PCLO: variants seen among roughly 807,000 people sequenced by gnomAD.
PCLO encodes protein piccolo.
In PCLO, 82 loss-of-function variants were observed where a neutral mutation model predicts 427.5. That is an observed-to-expected ratio of 0.19 (90% CI 0.16 to 0.23). The LOEUF is 0.23. PCLO is among the 10% of genes least tolerant of loss of function. The pLI is 1.00. For synonymous variants in PCLO, 2,357 were observed against 2,155.4 expected (o/e 1.09, Z -2.59); for missense variants, 6,239 against 6,115.9 (o/e 1.02, Z -0.67).
At chr7:83,019,099 G>T (rs1788278125) in intron 3 of PCLO, among the ~76,000 whole-genome samples, 1 of 151,880 alleles carries the variant, frequency 6.6e-6, no homozygotes, top group Admixed American at 6.6e-5. Context: ...CTGAAATCAA[G>T]ACATTTATAC....
Position 82,888,013 on chromosome 7 carries a change from T to A in PCLO, c.13529-8551A>T, listed in dbSNP as rs566986610. On this transcript the variant is annotated intron_variant, in intron 9 of 24. Coordinates refer to ENST00000333891, the MANE Select transcript of PCLO (RefSeq NM_033026.6). The stretch of plus-strand genomic sequence containing the variant: ...TGAACCTGGGTGGCAGAGGTTGCAG[T>A]CAGCTGAGATTGCGCCACTGCACTC... Among the ~76,000 whole-genome samples, 273 of 151,570 alleles carry A rather than the reference T, an allele frequency of 1.8e-3. 2 individuals are homozygous for A. The highest frequency in any genetic ancestry group is 6.2e-3 in the African/African-American group (255 of 41,278).
chr7:83,107,150 T>C (rs1211433678), intron 3 of PCLO, among the ~76,000 whole-genome samples: 1 of 152,128 alleles, frequency 6.6e-6, no homozygotes, highest in African/African-American at 2.4e-5. Flanking sequence ...GTGTACAAAT[T>C]ATTGCACCGC....
chr7:82,951,324 A>G lies in PCLO; in HGVS notation c.9264T>C (p.Val3088=). Residue 3088 remains valine, a synonymous_variant, in exon 6 of 25, where the codon GTT becomes GTC. Transcript: ENST00000333891. ...VGSVLRSSNG[V]VYSSVATPTP... ...TTGGAGTTGCTACTGAAGAATAGAC[A>G]ACACCATTAGATGACCTCAAAACAC... 6.2e-7 allele frequency: 1 copy of G among 1,611,898 alleles called. No individual in the cohort carries two copies. Among genetic ancestry groups the G allele is most frequent in the Non-Finnish European group, 8.5e-7 (1 of 1,178,946 alleles).
At chr7:83,107,834 C>T (rs1318060735) in intron 3 of PCLO, among the ~76,000 whole-genome samples, 3 of 151,056 alleles carry the variant, frequency 2.0e-5, no homozygotes, top group Admixed American at 6.6e-5. Flanking sequence ...ACTAAAAACA[C>T]GAAAATTAGC....
In PCLO at chr7:82,953,481, G is replaced by C. The variant is rs1795415354; in HGVS notation, c.7472C>G (p.Ser2491Cys). 2 of 1,613,580 alleles carry C rather than the reference G, an allele frequency of 1.2e-6. No homozygotes were observed. The highest frequency in any genetic ancestry group is 2.7e-5 in the African/African-American group (2 of 74,914). The change falls in exon 5 of 25, where the codon TCT becomes TGT. Residue 2491 changes from serine (S) to cysteine (C), a missense_variant. This residue lies in a region of PCLO where 4,677 missense variants were observed against 4,468.4 expected (regional missense o/e 1.05). Transcript: ENST00000333891. The part of the protein sequence containing the change: ...TAPPPVPPKP[S>C]SIPSGLVFTH... The stretch of plus-strand genomic sequence containing the variant: ...AAATACAAGTCCAGATGGAATTGAA[G>C]ATGGCTTAGGAGGAACAGGAGGAGG...
At chr7:83,045,846 A>G (rs934725929) in intron 3 of PCLO, among the ~76,000 whole-genome samples, 8 of 152,120 alleles carry the variant, frequency 5.3e-5, no homozygotes, top group Non-Finnish European at 8.8e-5. Context: ...GGGCCAAGAT[A>G]TTAATGTTAC....
Position 82,912,466 on chromosome 7 carries a change from T to A in PCLO, c.13300+2220A>T, listed in dbSNP as rs545632380. Among the ~76,000 whole-genome samples, 12 of 152,098 alleles carry A rather than the reference T, an allele frequency of 7.9e-5. 1 individual carries two copies. Among genetic ancestry groups the A allele is most frequent in the African/African-American group, 2.9e-4 (12 of 41,586 alleles). On this transcript the variant is annotated intron_variant, in intron 7 of 24. Transcript: ENST00000333891. ...TACAATTCACACACATACCATTACA[T>A]ATGTAATTCATATATAATTGCTATA... is the stretch of plus-strand genomic sequence containing the variant.
intron 22 of PCLO, among the ~76,000 whole-genome samples, chr7:82,780,939 A>G (rs931526719): frequency 3.9e-5 from 6 of 152,212 alleles, no homozygotes; most frequent in African/African-American, 9.7e-5. Context: ...GGATTGGGCT[A>G]TAACTTTAGC....
At chr7:83,095,793 TATATG>T (rs1276730947) in intron 3 of PCLO, among the ~76,000 whole-genome samples, 6 of 152,136 alleles carry the variant, frequency 3.9e-5, no homozygotes, top group African/African-American at 1.2e-4. Flanking sequence ...GAACTCATTC[TATATG>T]ATTTAAGTGC....
chr7:83,050,273 A>C (rs80209869), intron 3 of PCLO, among the ~76,000 whole-genome samples: 1 of 8,166 alleles, frequency 1.2e-4, no homozygotes. Flanking sequence ...GTGCTTTTTA[A>C]AAAAAAAAAA....
chr7:82,883,972 T>C (rs1189659701), intron 9 of PCLO, among the ~76,000 whole-genome samples: 1 of 152,138 alleles, frequency 6.6e-6, no homozygotes, highest in East Asian at 1.9e-4. Context: ...GTTTTTGCCA[T>C]GTTGGCCAGG....
At chr7:83,014,648 G>A (rs972745121) in intron 3 of PCLO, among the ~76,000 whole-genome samples, 1 of 151,900 alleles carries the variant, frequency 6.6e-6, no homozygotes, top group Non-Finnish European at 1.5e-5. Flanking sequence ...GCTCATCTAA[G>A]CACCAAGCAG....
rs577410145 is a variant in PCLO at position 82,758,859 on chromosome 7, C to T, written c.15289-144G>A. On this transcript the variant is annotated intron_variant, in intron 24 of 24. Coordinates refer to ENST00000333891, the MANE Select transcript of PCLO (RefSeq NM_033026.6). ...TGAGTAGAAGTAGCAGACATATTTG[C>T]AGGAGAACTGATAACCAAGGTGTTC... The T allele has an allele frequency of 2.6e-5, 14 of 544,192 alleles. No individual in the cohort carries two copies. In the South Asian group the frequency reaches 2.9e-4, roughly 11 times the overall value. The allele number at this position is 544,192 out of a possible 1,614,324, so 33.7% of individuals were successfully genotyped here.
intron 22 of PCLO, among the ~76,000 whole-genome samples, chr7:82,796,438 A>G (rs1791225376): frequency 6.6e-6 from 1 of 151,942 alleles, no homozygotes; most frequent in Non-Finnish European, 1.5e-5. Flanking sequence ...CTTTTCTTCC[A>G]TCTGTGATGT....
intron 3 of PCLO, among the ~76,000 whole-genome samples, chr7:83,050,018 T>A (rs1037208200): frequency 6.6e-6 from 1 of 150,414 alleles, no homozygotes; most frequent in South Asian, 2.1e-4. Flanking sequence ...CTGACCCATA[T>A]ACAGTCTTCT....
intron 3 of PCLO, among the ~76,000 whole-genome samples, chr7:83,049,515 T>C (rs1243480258): frequency 1.3e-5 from 2 of 152,018 alleles, no homozygotes; most frequent in Non-Finnish European, 2.9e-5. Flanking sequence ...TAGGGGAAGA[T>C]GGAAGAGTGA....
At chr7:82,821,782 T>C in intron 20 of PCLO, 1 of 982,410 alleles carries the variant, frequency 1.0e-6, no homozygotes, top group Non-Finnish European at 1.2e-6. Context: ...GACCCAATTG[T>C]GCTCCTCAGT....
At chr7:82,867,772 A>T (rs1302658277) in intron 10 of PCLO, among the ~76,000 whole-genome samples, 1 of 152,202 alleles carries the variant, frequency 6.6e-6, no homozygotes, top group Non-Finnish European at 1.5e-5. Context: ...AGTTTCCTTC[A>T]TGTCCCTATC....
chr7:82,963,188 T>A (rs1795691127), intron 4 of PCLO, among the ~76,000 whole-genome samples: 1 of 152,066 alleles, frequency 6.6e-6, no homozygotes, highest in Non-Finnish European at 1.5e-5. Flanking sequence ...GAAATTATCA[T>A]ATGATTATGC....
Sources: gnomAD v4.1 joint callset for allele counts (sites outside exome capture counted in the v4.1 genomes callset) on GRCh38, gnomAD v4.1.1 for gene constraint, gnomAD v4.1.1 regional missense constraint, MANE v1.5 for transcripts, NCBI Gene and HGNC (gene_info 2026-07-23, HGNC 2026-07-21) for gene names.